DNAI3: variants seen among roughly 807,000 people sequenced by gnomAD.
DNAI3 encodes dynein axonemal intermediate chain 3.
DNAI3 carries 83 observed loss-of-function variants against 115.5 expected under a neutral mutation model. The observed-to-expected ratio is 0.72, with a 90% CI of 0.60 to 0.86. DNAI3 has a LOEUF of 0.86. Among genes scored for constraint, DNAI3 ranks in the 40% least tolerant of loss-of-function variants. The pLI is 0.00. For synonymous variants in DNAI3, 320 were observed against 347.0 expected (o/e 0.92, Z 0.86); for missense variants, 1,004 against 1,075.8 (o/e 0.93, Z 0.93).
At chr1:85,122,563 T>A (rs1421944559) in intron 18 of DNAI3, among the ~76,000 whole-genome samples, 1 of 152,202 alleles carries the variant, frequency 6.6e-6, no homozygotes, top group Admixed American at 6.5e-5. Context: ...GGGATAACCA[T>A]AAGCAAACGA....
chr1:85,063,443 C>T (rs543463137), intron 1 of DNAI3, among the ~76,000 whole-genome samples: 1 of 152,202 alleles, frequency 6.6e-6, no homozygotes, highest in South Asian at 2.1e-4. Flanking sequence ...GAAAGGTTGA[C>T]GCAGTGAGGC....
intron 8 of DNAI3, among the ~76,000 whole-genome samples, chr1:85,090,962 T>G (rs914507396): frequency 3.9e-5 from 6 of 152,210 alleles, no homozygotes; most frequent in Admixed American, 2.0e-4. Flanking sequence ...TTAAACTTTT[T>G]TATTTTTAAG....
chr1:85,112,247 T>C (rs1423631466), intron 16 of DNAI3, among the ~76,000 whole-genome samples: 2 of 152,170 alleles, frequency 1.3e-5, no homozygotes, highest in Non-Finnish European at 2.9e-5. Flanking sequence ...CATGATTATT[T>C]TAGAATTAAT....
chr1:85,063,302 A>G (rs1163676975), intron 1 of DNAI3, among the ~76,000 whole-genome samples: 2 of 145,550 alleles, frequency 1.4e-5, no homozygotes, highest in Non-Finnish European at 3.0e-5. Flanking sequence ...GCAAGCAGAG[A>G]GATGCCTGCA....
At chr1:85,099,524 T>C (rs575180690) in intron 13 of DNAI3, among the ~76,000 whole-genome samples, 2 of 152,232 alleles carry the variant, frequency 1.3e-5, no homozygotes, top group South Asian at 2.1e-4. Context: ...ATAGGAAGAA[T>C]CAATATCGTG....
At chr1:85,129,730 A>G (rs1056184944) in intron 21 of DNAI3, among the ~76,000 whole-genome samples, 2 of 152,156 alleles carry the variant, frequency 1.3e-5, no homozygotes, top group Non-Finnish European at 2.9e-5. Flanking sequence ...GTAGCCCCTG[A>G]ATTGTACCAG....
chr1:85,069,273 T>C (rs979481769), intron 1 of DNAI3, among the ~76,000 whole-genome samples: 1 of 152,222 alleles, frequency 6.6e-6, no homozygotes, highest in Non-Finnish European at 1.5e-5. Flanking sequence ...CTCCCAGATA[T>C]CTGTGTTTCT....
rs1003101399 is a variant in DNAI3 at position 85,073,081 on chromosome 1, T to C, written c.92T>C (p.Met31Thr). ...AASEDMEPVN[M>T]ESMGHPEIYP... is the part of the protein sequence containing the mutation. Reference sequence around the variant, plus strand: ...AGTGAAGACATGGAACCAGTAAATATGGAGAGCATGGGTAAGTGGAAATAT... The same window carrying C: ...AGTGAAGACATGGAACCAGTAAATACGGAGAGCATGGGTAAGTGGAAATAT... Residue 31 changes from methionine (M) to threonine (T), a missense_variant, in exon 3 of 23, where the codon ATG becomes ACG. Coordinates refer to ENST00000294664, the MANE Select transcript of DNAI3 (RefSeq NM_145172.5). The C allele has an allele frequency of 6.4e-7, 1 of 1,551,980 alleles. No individual in the cohort carries two copies. Among genetic ancestry groups the C allele is most frequent in the Non-Finnish European group, 8.7e-7 (1 of 1,147,566 alleles).
rs924186677 is a variant in DNAI3 at position 85,121,748 on chromosome 1, T to C, written c.1918-3T>C. The C allele has an allele frequency of 1.2e-6, 2 of 1,614,040 alleles. No homozygotes were observed. Among genetic ancestry groups the C allele is most frequent in the Non-Finnish European group, 1.7e-6 (2 of 1,179,936 alleles). On this transcript the variant is annotated splice_polypyrimidine_tract_variant and splice_region_variant and intron_variant, in intron 17 of 22. Transcript: ENST00000294664. ...ACTCATCAGGAACCTGTAATATTTT[T>C]AGGAAGGCGAAGTGATATACACAGA...
At chr1:85,070,404 A>G (rs1654231983) in intron 1 of DNAI3, among the ~76,000 whole-genome samples, 1 of 152,188 alleles carries the variant, frequency 6.6e-6, no homozygotes, top group South Asian at 2.1e-4. Flanking sequence ...TGGCTATTGG[A>G]GCCAGGCTGC....
intron 13 of DNAI3, among the ~76,000 whole-genome samples, chr1:85,100,606 A>G (rs913940296): frequency 2.0e-4 from 31 of 152,210 alleles, no homozygotes; most frequent in African/African-American, 7.2e-4. Context: ...CATTTGACCC[A>G]GCCATCCCAT....
intron 16 of DNAI3, among the ~76,000 whole-genome samples, chr1:85,115,717 G>C (rs1419859498): frequency 2.9e-5 from 4 of 137,030 alleles, no homozygotes; most frequent in East Asian, 5.3e-4. Flanking sequence ...GGTGGGGGCA[G>C]GGGGGCAGGC....
chr1:85,132,817 T>C (rs905635994), intron 22 of DNAI3, 38 bp from the exon 23 acceptor site: 4 of 1,582,030 alleles, frequency 2.5e-6, no homozygotes, highest in Non-Finnish European at 3.4e-6. Flanking sequence ...TAGATATCAG[T>C]GTTTTATAGG....
At chr1:85,079,089 G>T (rs72946771) in intron 3 of DNAI3, among the ~76,000 whole-genome samples, 8,007 of 152,280 alleles carry the variant, frequency 0.053, 352 homozygotes, top group African/African-American at 0.13. Flanking sequence ...CACTAGCACA[G>T]TGTGAGTCTC....
Position 85,069,441 on chromosome 1 carries a change from G to T in DNAI3, c.-14-2487G>T, listed in dbSNP as rs564392581. Among the ~76,000 whole-genome samples the T allele has an allele frequency of 9.2e-5, 14 of 152,178 alleles. No individual in the cohort carries two copies. In the East Asian group the frequency reaches 2.7e-3, roughly 29 times the overall value. On this transcript the variant is annotated intron_variant, in intron 1 of 22. Coordinates refer to ENST00000294664, the MANE Select transcript of DNAI3 (RefSeq NM_145172.5). ...AATGTGAGCTTGCACAAGGGGTTTT[G>T]CCTATTTTGTTCACTGCTGTATCCC...
intron 6 of DNAI3, among the ~76,000 whole-genome samples, chr1:85,085,241 C>T (rs1287610359): frequency 1.3e-5 from 2 of 152,182 alleles, no homozygotes; most frequent in African/African-American, 4.8e-5. Flanking sequence ...GCCTCCACAA[C>T]TGTAAGAGAA....
chr1:85,126,608 A>T lies in DNAI3; in HGVS notation c.2210A>T (p.Asp737Val), dbSNP rs750882404. Residue 737 changes from aspartate (D) to valine (V), a missense_variant, in exon 20 of 23, where the codon GAT becomes GTT. By Grantham distance (152) the Asp-to-Val change is radical. This residue lies in a region of DNAI3 where 429 missense variants were observed against 454.3 expected (regional missense o/e 0.94). Coordinates refer to ENST00000294664, the MANE Select transcript of DNAI3 (RefSeq NM_145172.5). ...RPGVFYIGRE[D>V]GYIDIWDLLE... is the part of the protein sequence containing the mutation. ...GGAGTTTTCTACATCGGCCGAGAAG[A>T]TGGATACATTGATATCTGGGACCTT... 1 of 1,614,168 alleles carries T rather than the reference A, an allele frequency of 6.2e-7. No individual in the cohort carries two copies. The highest frequency in any genetic ancestry group is 8.5e-7 in the Non-Finnish European group (1 of 1,180,022).
intron 15 of DNAI3, 35 bp downstream of exon 15, chr1:85,108,212 G>C (rs1472357088): frequency 2.6e-6 from 4 of 1,534,298 alleles, no homozygotes; most frequent in Non-Finnish European, 3.5e-6. Context: ...CATCCTGCTT[G>C]CATAATACAC....
In DNAI3 at chr1:85,098,544, T is replaced by C. The variant is rs1315450025; in HGVS notation, c.1365T>C (p.Leu455=). 1 of 1,611,426 alleles carries C rather than the reference T, an allele frequency of 6.2e-7. No individual in the cohort carries two copies. Among genetic ancestry groups the C allele is most frequent in the Admixed American group, 1.7e-5 (1 of 59,544 alleles). ...KRATLKPMFL[L]EPESNKEAMY... is the part of the protein sequence containing the mutation. ...ATATTTTTCAGCCTATGTTTCTCCT[T>C]GAACCGGAGAGTAATAAAGAAGCAA... The change falls in exon 13 of 23, where the codon CTT becomes CTC. Residue 455 remains leucine, a synonymous_variant. Coordinates refer to ENST00000294664, the MANE Select transcript of DNAI3 (RefSeq NM_145172.5).
Sources: allele counts gnomAD v4.1 joint callset (sites outside exome capture counted in the v4.1 genomes callset), GRCh38; gene constraint gnomAD v4.1.1; regional missense constraint gnomAD v4.1.1; transcripts MANE v1.5; gene names NCBI Gene and HGNC (gene_info 2026-07-23, HGNC 2026-07-21).